Variants in ZBTB10 observed in about 807,000 individuals in gnomAD.
The protein encoded by ZBTB10 is zinc finger and BTB domain-containing protein 10.
A neutral mutation model predicts 76.4 loss-of-function variants in ZBTB10; 32 were observed. The ratio of observed to expected loss-of-function variants is 0.42; its 90% CI spans 0.32 to 0.56. ZBTB10 has a LOEUF of 0.56. Among genes scored for constraint, ZBTB10 ranks in the 20% least tolerant of loss-of-function variants. The pLI is 0.14. For missense variants in ZBTB10, 1,057 were observed against 1,098.5 expected, an observed-to-expected ratio of 0.96 and a Z score of 0.53; for synonymous variants, 523 against 432.9, an observed-to-expected ratio of 1.21 and a Z score of -2.58.
intron 1 of ZBTB10, among the ~76,000 whole-genome samples, chr8:80,493,207 GCACACACACACA>G (rs369440030): frequency 7.1e-4 from 89 of 125,294 alleles, no homozygotes; most frequent in South Asian, 2.3e-3. Context: ...GCGCGCGCGC[GCACACACACACA>G]CACACACACA....
intron 1 of ZBTB10, among the ~76,000 whole-genome samples, chr8:80,498,131 A>G (rs954970547): frequency 2.0e-5 from 3 of 152,202 alleles, no homozygotes; most frequent in African/African-American, 7.2e-5. Flanking sequence ...AGCCATGCAC[A>G]TGATTGCATT....
intron 5 of ZBTB10, 50 bp downstream of exon 5, chr8:80,519,004 C>A: frequency 6.6e-7 from 1 of 1,523,944 alleles, no homozygotes; most frequent in Admixed American, 2.1e-5. Context: ...ATATTTATGT[C>A]AGTGAAGTTT....
At chr8:80,496,682 G>A (rs1169110384) in intron 1 of ZBTB10, among the ~76,000 whole-genome samples, 1 of 152,134 alleles carries the variant, frequency 6.6e-6, no homozygotes, top group East Asian at 1.9e-4. Context: ...AAAATTCAGG[G>A]TGCAGTGACC....
chr8:80,501,335 A>G (rs1159788530), intron 2 of ZBTB10, among the ~76,000 whole-genome samples: 1 of 152,206 alleles, frequency 6.6e-6, no homozygotes, highest in African/African-American at 2.4e-5. Context: ...TACAGTGGGA[A>G]TTTTTTTAAA....
chr8:80,515,447 CCTGA>C lies in ZBTB10; in HGVS notation c.1960+1443_1960+1446del, dbSNP rs1178856427. ...AAGAAACTGCCTTAAGGTGGTTTCCCCTGACTGTTTAAAAGAATTTACAAAACAA... is the reference window on the plus strand; with the variant it reads ...AAGAAACTGCCTTAAGGTGGTTTCCCCTGTTTAAAAGAATTTACAAAACAA... On this transcript the variant is annotated intron_variant, in intron 3 of 5. Coordinates refer to ENST00000455036, the MANE Select transcript of ZBTB10 (RefSeq NM_001105539.3). 5.3e-5 allele frequency among the ~76,000 whole-genome samples: 8 copies of C among 152,044 alleles called. No individual in the cohort carries two copies. The South Asian group carries it at 1.2e-3, about 24-fold the overall frequency.
upstream of ZBTB10, chr8:80,486,152 G>A: frequency 6.6e-6 from 2 of 305,306 alleles, no homozygotes; most frequent in Non-Finnish European, 1.0e-5. Flanking sequence ...CCCTCCCCCA[G>A]CCCGGCCCCC....
rs1422451600 is a variant in ZBTB10, at chr8:80,487,382, C to A, written c.572C>A (p.Ala191Glu). 3.3e-6 allele frequency: 5 copies of A among 1,529,760 alleles called. No homozygotes were observed. The highest frequency in any genetic ancestry group is 4.4e-6 in the Non-Finnish European group (5 of 1,135,878). 94.8% of individuals were successfully genotyped at this position (1,529,760 alleles called of 1,614,324 possible). Residue 191 changes from alanine (A) to glutamate (E), a missense_variant, in exon 1 of 6, where the codon GCG (alanine) becomes GAG (glutamate). By Grantham distance (107) the Ala-to-Glu change is moderately radical (BLOSUM62 -1). Around this residue, in one of 5 missense-constraint regions of ZBTB10, gnomAD observed 556 missense variants for 451.7 expected, o/e 1.23. Coordinates refer to ENST00000455036, the MANE Select transcript of ZBTB10 (RefSeq NM_001105539.3). ...SDSTEDEEEGASLGDGSGAEG... is the reference protein window; with the variant it reads ...SDSTEDEEEGESLGDGSGAEG... ...AGCACCGAGGACGAGGAGGAGGGGG[C>A]GAGCCTGGGCGACGGCAGCGGGGCG...
chr8:80,506,261 A>G (rs570674098), intron 2 of ZBTB10, among the ~76,000 whole-genome samples: 2 of 152,078 alleles, frequency 1.3e-5, no homozygotes, highest in South Asian at 2.1e-4. Flanking sequence ...CAAATCAGCT[A>G]TTTATATTTT....
intron 1 of ZBTB10, among the ~76,000 whole-genome samples, chr8:80,495,778 C>G (rs1346863444): frequency 1.3e-5 from 2 of 152,104 alleles, no homozygotes; most frequent in Non-Finnish European, 2.9e-5. Context: ...TATTGAACAT[C>G]TAGATAATAG....
intron 1 of ZBTB10, among the ~76,000 whole-genome samples, chr8:80,489,076 C>A (rs1002160150): frequency 6.9e-6 from 1 of 145,964 alleles, no homozygotes; most frequent in Non-Finnish European, 1.5e-5. Flanking sequence ...AGATACAAGG[C>A]CGAGAAAGGT....
Position 80,486,866 on chromosome 8 carries a change from T to G in ZBTB10, c.56T>G (p.Val19Gly), listed in dbSNP as rs1455873660. 6.6e-7 allele frequency: 1 copy of G among 1,509,190 alleles called. No individual in the cohort carries two copies. Among genetic ancestry groups the G allele is most frequent in the Non-Finnish European group, 8.8e-7 (1 of 1,131,210 alleles). 93.5% of individuals were successfully genotyped at this position (1,509,190 alleles called of 1,614,324 possible). A position where few individuals can be genotyped will look rare whatever the true frequency, so the allele number is the denominator to read the frequency against. Residue 19 changes from valine (V) to glycine (G), a missense_variant, in exon 1 of 6, where the codon GTC (valine) becomes GGC (glycine). Transcript: ENST00000455036. ...CTGGCGTTCCGAGGAGGCGGGTTGG[T>G]CACCGCTAGCGGCGGCGGCTCCACG... is the stretch of plus-strand genomic sequence containing the variant. ...RTLAFRGGGL[V>G]TASGGGSTNN...
At position 80,525,052 on chromosome 8, in the gene ZBTB10, C is replaced by T. The variant is rs575735483; in HGVS notation, c.*5524C>T. On this transcript the variant is annotated 3_prime_UTR_variant, in exon 6 of 6. Coordinates refer to ENST00000455036, the MANE Select transcript of ZBTB10 (RefSeq NM_001105539.3). Reference sequence around the variant, plus strand: ...GTACTGGACGAAGGATGTTTTGACACTAAAAAGGACATAATTTAGGAAATT... The same window carrying T: ...GTACTGGACGAAGGATGTTTTGACATTAAAAAGGACATAATTTAGGAAATT... 6.6e-6 allele frequency: 1 copy of T among 151,832 alleles called. No individual in the cohort carries two copies. The highest frequency in any genetic ancestry group is 1.5e-5 in the Non-Finnish European group (1 of 67,940). 9.4% of individuals were successfully genotyped at this position (151,832 alleles called of 1,614,324 possible). A position where few individuals can be genotyped will look rare whatever the true frequency, so the allele number is the denominator to read the frequency against.
upstream of ZBTB10, chr8:80,485,599 C>T (rs1815421892): frequency 1.1e-5 from 6 of 527,902 alleles, no homozygotes; most frequent in Non-Finnish European, 2.0e-5. Flanking sequence ...ATAAGACACT[C>T]GGGGCGGTGC....
intron 2 of ZBTB10, among the ~76,000 whole-genome samples, chr8:80,509,476 C>G (rs934329915): frequency 2.0e-5 from 3 of 152,168 alleles, no homozygotes; most frequent in African/African-American, 7.2e-5. Context: ...TCAGGGAAAC[C>G]TTTCCAACTC....
rs1398451284 is a variant in ZBTB10 at position 80,486,855 on chromosome 8, A to G, written c.45A>G (p.Gly15=). The G allele has an allele frequency of 1.3e-6, 2 of 1,506,986 alleles. No homozygotes were observed. Among genetic ancestry groups the G allele is most frequent in the Non-Finnish European group, 8.9e-7 (1 of 1,129,842 alleles). The allele number at this position is 1,506,986 out of a possible 1,614,324, so 93.4% of individuals were successfully genotyped here. The change falls in exon 1 of 6, where the codon GGA becomes GGG. Residue 15 remains glycine, a synonymous_variant. Coordinates refer to ENST00000455036, the MANE Select transcript of ZBTB10 (RefSeq NM_001105539.3). ...EMNRRTLAFR[G]GGLVTASGGG... Reference sequence around the variant, plus strand: ...ACCGCAGGACGCTGGCGTTCCGAGGAGGCGGGTTGGTCACCGCTAGCGGCG... The same window carrying G: ...ACCGCAGGACGCTGGCGTTCCGAGGGGGCGGGTTGGTCACCGCTAGCGGCG...
Position 80,499,986 on chromosome 8 carries a change from G to A in ZBTB10, c.1465G>A (p.Gly489Ser), listed in dbSNP as rs995406649. 6.2e-7 allele frequency: 1 copy of A among 1,613,918 alleles called. No individual in the cohort carries two copies. Among genetic ancestry groups the A allele is most frequent in the Admixed American group, 1.7e-5 (1 of 60,024 alleles). ...YNNRKPVNRD[G>S]LSSSRDQKIA... ...TAATAGAAAACCAGTTAATAGAGAT[G>A]GTCTGTCTTCATCACGGGATCAAAA... is the stretch of plus-strand genomic sequence containing the variant. The change falls in exon 2 of 6, where the codon GGT becomes AGT. Residue 489 changes from glycine to serine, a missense_variant. Coordinates refer to ENST00000455036, the MANE Select transcript of ZBTB10 (RefSeq NM_001105539.3).
In ZBTB10 at chr8:80,518,365, T is replaced by A. The variant is rs964549785; in HGVS notation, c.1961-38T>A. ...CTGACTCTGATGAGAGACAGATCTTTATTACCATTATTAATTCAGAATTTT... is the reference window on the plus strand; with the variant it reads ...CTGACTCTGATGAGAGACAGATCTTAATTACCATTATTAATTCAGAATTTT... On this transcript the variant is annotated intron_variant, in intron 3 of 5. Coordinates refer to ENST00000455036, the MANE Select transcript of ZBTB10 (RefSeq NM_001105539.3). The A allele has an allele frequency of 3.3e-6, 5 of 1,520,946 alleles. No homozygotes were observed. In the African/African-American group the frequency reaches 5.6e-5, roughly 17 times the overall value. 94.2% of individuals were successfully genotyped at this position (1,520,946 alleles called of 1,614,324 possible). A position where few individuals can be genotyped will look rare whatever the true frequency, so the allele number is the denominator to read the frequency against.
chr8:80,498,044 G>T (rs1057209582), intron 1 of ZBTB10, among the ~76,000 whole-genome samples: 1 of 152,160 alleles, frequency 6.6e-6, no homozygotes, highest in African/African-American at 2.4e-5. Context: ...GACTGGGTTA[G>T]TTTCAGAGAA....
At chr8:80,514,346 CAA>C (rs368256700) in intron 3 of ZBTB10, among the ~76,000 whole-genome samples, 99 of 152,160 alleles carry the variant, frequency 6.5e-4, no homozygotes, top group African/African-American at 2.2e-3. Flanking sequence ...AGTTTTTATG[CAA>C]AATGATGGTG....
Sources: gnomAD v4.1 joint callset for allele counts (sites outside exome capture counted in the v4.1 genomes callset) on GRCh38, gnomAD v4.1.1 for gene constraint, gnomAD v4.1.1 regional missense constraint, MANE v1.5 for transcripts, NCBI Gene and HGNC (gene_info 2026-07-23, HGNC 2026-07-21) for gene names.